Variants in RARB observed in about 807,000 individuals in gnomAD.
RARB encodes retinoic acid receptor beta.
Under a neutral mutation model 51.9 loss-of-function variants are expected in RARB, and 17 were observed. The observed-to-expected ratio is 0.33, with a 90% CI of 0.22 to 0.49. RARB has a LOEUF of 0.49. RARB is among the 20% of genes least tolerant of loss of function. RARB has a pLI of 0.99. For missense variants in RARB, 369 were observed against 550.8 expected (o/e 0.67, Z 3.30); for synonymous variants, 215 against 195.4 (o/e 1.10, Z -0.84).
At chr3:25,289,765 C>T (rs1160187721) in intron 5 of RARB, among the ~76,000 whole-genome samples, 1 of 152,126 alleles carries the variant, frequency 6.6e-6, no homozygotes, top group Non-Finnish European at 1.5e-5. Context: ...GGGCTATTCC[C>T]TTTGGTTTCT....
At chr3:25,215,658 G>C (rs1291024186) in intron 5 of RARB, among the ~76,000 whole-genome samples, 1 of 152,136 alleles carries the variant, frequency 6.6e-6, no homozygotes, top group African/African-American at 2.4e-5. Context: ...CCTTTCTCTC[G>C]ATGATGATTT....
chr3:25,061,129 A>C lies in RARB; in HGVS notation c.-328+953A>C, dbSNP rs140890456. Among the ~76,000 whole-genome samples the C allele has an allele frequency of 3.6e-3, 551 of 152,036 alleles. 4 individuals are homozygous for C. Among genetic ancestry groups the C allele is most frequent in the African/African-American group, 0.012 (511 of 41,538 alleles). On this transcript the variant is annotated intron_variant, in intron 3 of 11. Coordinates refer to the RARB transcript ENST00000383772. ...AACATACTTGGCCTGGAACTTTTGC[A>C]ATGAAGGAAACATTATAGTTTAATT...
At chr3:25,513,606 T>A (rs1352894606) in intron 3 of RARB, among the ~76,000 whole-genome samples, 1 of 151,246 alleles carries the variant, frequency 6.6e-6, no homozygotes, top group African/African-American at 2.4e-5. Flanking sequence ...ATGGTGGATG[T>A]AAACAGATTA....
intron 2 of RARB, among the ~76,000 whole-genome samples, chr3:24,981,465 G>A (rs1696670354): frequency 6.6e-6 from 1 of 152,082 alleles, no homozygotes. Flanking sequence ...TACACTGTGA[G>A]CATATAACTG....
chr3:25,459,867 T>C (rs144250181), intron 1 of RARB, among the ~76,000 whole-genome samples: 243 of 152,318 alleles, frequency 1.6e-3, no homozygotes, highest in African/African-American at 5.5e-3. Context: ...TTTAACCACT[T>C]TTAATTCTCC....
intron 5 of RARB, among the ~76,000 whole-genome samples, chr3:25,382,034 A>G (rs1270764660): frequency 6.6e-6 from 1 of 152,190 alleles, no homozygotes; most frequent in Non-Finnish European, 1.5e-5. Flanking sequence ...AGTAGGGTGC[A>G]AGATAGCAAT....
chr3:24,914,717 G>C (rs1349337104), intron 2 of RARB, among the ~76,000 whole-genome samples: 1 of 152,144 alleles, frequency 6.6e-6, no homozygotes, highest in African/African-American at 2.4e-5. Context: ...AAGTCTGTGT[G>C]TGTTCAGTAC....
Position 25,115,384 on chromosome 3 carries a change from A to C in RARB, c.-327-16777A>C, listed in dbSNP as rs76011530. ...TGACATTGTAACATCTATAACATTC[A>C]GTTAGAAAGGAACAGTAACAATTGG... On this transcript the variant is annotated intron_variant, in intron 3 of 11. Coordinates refer to the RARB transcript ENST00000383772. Among the ~76,000 whole-genome samples, 555 of 152,302 alleles carry C rather than the reference A, an allele frequency of 3.6e-3. 9 individuals are homozygous for C. In the East Asian group the frequency reaches 0.049, roughly 13 times the overall value.
At chr3:24,983,258 A>G (rs1696715926) in intron 2 of RARB, among the ~76,000 whole-genome samples, 1 of 152,062 alleles carries the variant, frequency 6.6e-6, no homozygotes, top group Non-Finnish European at 1.5e-5. Context: ...ACATACTACA[A>G]TACATTTTAC....
At chr3:25,088,942 G>T (rs1464514015) in intron 3 of RARB, among the ~76,000 whole-genome samples, 1 of 151,930 alleles carries the variant, frequency 6.6e-6, no homozygotes, top group East Asian at 1.9e-4. Context: ...AATGTAGCTT[G>T]CAGAACCTGT....
rs1335530527 is a variant in RARB at position 25,428,350 on chromosome 3, T to C, written c.-382T>C. ...GGGACCAGAATTCCCCCATGCGAGC[T>C]GTTTGAGGACTGGGATGCCGAGAAC... On this transcript the variant is annotated 5_prime_UTR_variant, in exon 1 of 8. Coordinates refer to ENST00000330688, the MANE Select transcript of RARB (RefSeq NM_000965.5). 4.8e-6 allele frequency: 6 copies of C among 1,242,878 alleles called. No homozygotes were observed. Among genetic ancestry groups the C allele is most frequent in the African/African-American group, 1.5e-5 (1 of 64,736 alleles). The allele number at this position is 1,242,878 out of a possible 1,614,324, so 77.0% of individuals were successfully genotyped here.
chr3:24,889,748 T>C (rs553515797), intron 2 of RARB, among the ~76,000 whole-genome samples: 1 of 149,642 alleles, frequency 6.7e-6, no homozygotes, highest in South Asian at 2.1e-4. Context: ...CAAATTCTAA[T>C]TTTTAAAGTA....
At chr3:25,562,223 G>C (rs1167021934) in intron 3 of RARB, among the ~76,000 whole-genome samples, 1 of 149,478 alleles carries the variant, frequency 6.7e-6, no homozygotes, top group African/African-American at 2.4e-5. Flanking sequence ...GATTATGGAA[G>C]AGATACTAAG....
At chr3:25,527,652 G>T (rs995967082) in intron 3 of RARB, among the ~76,000 whole-genome samples, 2 of 152,110 alleles carry the variant, frequency 1.3e-5, no homozygotes, top group Non-Finnish European at 2.9e-5. Flanking sequence ...TGAAACAAAG[G>T]ACAACTAGTA....
chr3:25,578,742 T>A (rs1730226), intron 4 of RARB, among the ~76,000 whole-genome samples: 77,471 of 152,076 alleles, frequency 0.51, 20,798 homozygotes, highest in African/African-American at 0.7. Flanking sequence ...GTTGACCACC[T>A]TCGTTTTTAC....
intron 5 of RARB, among the ~76,000 whole-genome samples, chr3:25,179,883 T>A (rs1271984195): frequency 6.6e-6 from 1 of 152,218 alleles, no homozygotes; most frequent in Non-Finnish European, 1.5e-5. Flanking sequence ...AGTAATCACA[T>A]TGCCATTAAA....
intron 5 of RARB, among the ~76,000 whole-genome samples, chr3:25,366,783 A>G (rs114117712): frequency 0.017 from 2,613 of 152,290 alleles, 40 homozygotes; most frequent in African/African-American, 0.038. Flanking sequence ...CATTCTTTGG[A>G]TAGTCTCCAG....
intron 5 of RARB, among the ~76,000 whole-genome samples, chr3:25,355,724 C>T (rs1705713280): frequency 6.6e-6 from 1 of 152,030 alleles, no homozygotes; most frequent in South Asian, 2.1e-4. Flanking sequence ...GACATTGTGA[C>T]CACAGCATTT....
rs145066163 is a variant in RARB at position 25,288,702 on chromosome 3, A to G, written c.178+114127A>G. Among the ~76,000 whole-genome samples, 214 of 152,244 alleles carry G rather than the reference A, an allele frequency of 1.4e-3. 2 individuals carry two copies. Among genetic ancestry groups the G allele is most frequent in the African/African-American group, 5.0e-3 (207 of 41,546 alleles). Reference sequence around the variant, plus strand: ...CAGAAACAATAACAGAAGAGAGCCAAGCAGAACTGTCTCAGAGCTGTCACC... The same window carrying G: ...CAGAAACAATAACAGAAGAGAGCCAGGCAGAACTGTCTCAGAGCTGTCACC... On this transcript the variant is annotated intron_variant, in intron 5 of 11. Coordinates refer to the RARB transcript ENST00000383772.
Sources: gnomAD v4.1 joint callset for allele counts (sites outside exome capture counted in the v4.1 genomes callset) on GRCh38, gnomAD v4.1.1 for gene constraint, MANE v1.5 for transcripts, NCBI Gene and HGNC (gene_info 2026-07-23, HGNC 2026-07-21) for gene names.